Variants in RNF214 observed in about 807,000 individuals in gnomAD.
RNF214 encodes the protein ring finger protein 214.
A neutral mutation model predicts 75.9 loss-of-function variants in RNF214; 25 were observed. The observed-to-expected ratio is 0.33, with a 90% CI of 0.24 to 0.46. The LOEUF is 0.46. RNF214 is among the 20% of genes least tolerant of loss of function. The pLI is 1.00. For synonymous variants in RNF214, 314 were observed against 308.8 expected (o/e 1.02, Z -0.18); for missense variants, 725 against 857.5 (o/e 0.85, Z 1.93).
intron 6 of RNF214, among the ~76,000 whole-genome samples, chr11:117,263,224 A>C (rs527409762): frequency 1.3e-5 from 2 of 152,002 alleles, no homozygotes; most frequent in Admixed American, 1.3e-4. Flanking sequence ...TGGTTTCCCT[A>C]AGTTCTTTAG....
intron 6 of RNF214, among the ~76,000 whole-genome samples, chr11:117,250,355 C>G (rs1388666761): frequency 6.6e-6 from 1 of 152,050 alleles, no homozygotes; most frequent in East Asian, 1.9e-4. Context: ...TTAAGTAATA[C>G]TGTGTCAGTG....
Position 117,239,094 on chromosome 11 carries a change from C to A in RNF214, c.601C>A (p.Gln201Lys). 1 of 1,612,232 alleles carries A rather than the reference C, an allele frequency of 6.2e-7. No homozygotes were observed. Among genetic ancestry groups the A allele is most frequent in the South Asian group, 1.1e-5 (1 of 90,908 alleles). ...DQDSSSLKLS[Q>K]NIAVQTDFKT... The stretch of plus-strand genomic sequence containing the variant: ...AGATAGCTCTTCCCTGAAGCTTTCT[C>A]AGAACATTGCTGTACAGGTCAAGTG... Residue 201 changes from glutamine (Q) to lysine (K), a missense_variant, in exon 3 of 15, where the codon CAG becomes AAG. Gln to Lys is a moderately conservative substitution (Grantham distance 53). Coordinates refer to ENST00000300650, the MANE Select transcript of RNF214 (RefSeq NM_207343.4).
At chr11:117,281,426 CATT>C (rs2034125272) in intron 9 of RNF214, 22 bp downstream of exon 9, 4 of 1,571,060 alleles carry the variant, frequency 2.5e-6, no homozygotes, top group African/African-American at 1.4e-5. Context: ...TATGAGTCAT[CATT>C]CAGTCAGTGT....
At chr11:117,257,005 C>T (rs557305628) in intron 6 of RNF214, among the ~76,000 whole-genome samples, 4 of 152,210 alleles carry the variant, frequency 2.6e-5, no homozygotes, top group African/African-American at 9.6e-5. Context: ...GGGACATCAG[C>T]CAGTACACTC....
chr11:117,237,755 G>A (rs1268354427), intron 2 of RNF214, among the ~76,000 whole-genome samples: 3 of 152,164 alleles, frequency 2.0e-5, no homozygotes, highest in Non-Finnish European at 2.9e-5. Flanking sequence ...TATACTTACT[G>A]TGTGGGATAA....
intron 6 of RNF214, among the ~76,000 whole-genome samples, chr11:117,256,208 A>G (rs1251282516): frequency 6.6e-6 from 1 of 152,202 alleles, no homozygotes; most frequent in African/African-American, 2.4e-5. Flanking sequence ...GTATACTGCT[A>G]TCATAACACT....
In RNF214 at chr11:117,282,849, A is replaced by G. The variant is rs549269094; in HGVS notation, c.1949A>G (p.His650Arg). ...GTTTCATATCCTGGAAGGTCTTCAC[A>G]TGTAAGACTCTTTTTCTTTGAACAC... The part of the protein sequence containing the change: ...AQVSYPGRSS[H>R]APATCKLCLM... The change falls in exon 13 of 15, where the codon CAT becomes CGT. Residue 650 changes from histidine (H) to arginine (R), a missense_variant and splice_region_variant. This residue lies in a region of RNF214 where 363 missense variants were observed against 513.0 expected (regional missense o/e 0.71). Transcript: ENST00000300650. 5.6e-6 allele frequency: 9 copies of G among 1,606,036 alleles called. No individual in the cohort carries two copies. Among genetic ancestry groups the G allele is most frequent in the South Asian group, 1.1e-5 (1 of 90,902 alleles).
Position 117,239,856 on chromosome 11 carries a change from A to T in RNF214, c.674A>T (p.Asn225Ile). 1 of 1,522,306 alleles carries T rather than the reference A, an allele frequency of 6.6e-7. No individual in the cohort carries two copies. The highest frequency in any genetic ancestry group is 9.1e-7 in the Non-Finnish European group (1 of 1,096,766). 94.3% of individuals were successfully genotyped at this position (1,522,306 alleles called of 1,614,324 possible). A position where few individuals can be genotyped will look rare whatever the true frequency, so the allele number is the denominator to read the frequency against. ...AACACAGATCAAGATATTGAAAAGA[A>T]TTTGGTAAGTATTTAAACTGTCCTT... Reference protein sequence around the residue: ...EVNTDQDIEKNLDKMMTERTL... With the variant: ...EVNTDQDIEKILDKMMTERTL... The change falls in exon 4 of 15, where the codon AAT (asparagine) becomes ATT (isoleucine). Residue 225 changes from asparagine to isoleucine, a missense_variant. Asn to Ile is a moderately radical substitution (Grantham distance 149, BLOSUM62 -3). Transcript: ENST00000300650.
Position 117,261,756 on chromosome 11 carries a change from C to T in RNF214, c.959+14808C>T, listed in dbSNP as rs1255522802. Among the ~76,000 whole-genome samples, 5 of 151,954 alleles carry T rather than the reference C, an allele frequency of 3.3e-5. No individual in the cohort carries two copies. In the South Asian group the frequency reaches 8.3e-4, roughly 25 times the overall value. ...CGCCTCCTGGGTTCAAGCAATTTTCCTGCCTCAGACTCCCGAGTAGCTGGG... is the reference window on the plus strand; with the variant it reads ...CGCCTCCTGGGTTCAAGCAATTTTCTTGCCTCAGACTCCCGAGTAGCTGGG... On this transcript the variant is annotated intron_variant, in intron 6 of 14. Coordinates refer to ENST00000300650, the MANE Select transcript of RNF214 (RefSeq NM_207343.4).
At position 117,285,970 on chromosome 11, in the gene RNF214, G is replaced by C. The variant is rs753444396; in HGVS notation, c.*819G>C. ...AGCTCTGACAGGCCAACATTGTGAAGTCCTCACCCTTTCCCATTCACTTCT... is the reference window on the plus strand; with the variant it reads ...AGCTCTGACAGGCCAACATTGTGAACTCCTCACCCTTTCCCATTCACTTCT... On this transcript the variant is annotated 3_prime_UTR_variant, in exon 15 of 15. Coordinates refer to ENST00000300650, the MANE Select transcript of RNF214 (RefSeq NM_207343.4). 1.3e-5 allele frequency: 2 copies of C among 152,582 alleles called. No individual in the cohort carries two copies. The highest frequency in any genetic ancestry group is 2.9e-5 in the Non-Finnish European group (2 of 68,050). 9.5% of individuals were successfully genotyped at this position (152,582 alleles called of 1,614,324 possible). A position where few individuals can be genotyped will look rare whatever the true frequency, so the allele number is the denominator to read the frequency against.
chr11:117,278,787 A>G (rs935957491), intron 6 of RNF214, among the ~76,000 whole-genome samples: 1 of 152,198 alleles, frequency 6.6e-6, no homozygotes, highest in Non-Finnish European at 1.5e-5. Flanking sequence ...GATTTGCTGC[A>G]TTAAGGATGA....
chr11:117,237,687 A>G (rs1263551838), intron 2 of RNF214, among the ~76,000 whole-genome samples: 1 of 152,116 alleles, frequency 6.6e-6, no homozygotes, highest in African/African-American at 2.4e-5. Context: ...ATAAAAAATA[A>G]AAGCAATACC....
chr11:117,261,102 T>C (rs1257496726), intron 6 of RNF214, among the ~76,000 whole-genome samples: 2 of 152,176 alleles, frequency 1.3e-5, no homozygotes, highest in Non-Finnish European at 2.9e-5. Context: ...AAAGTAGATA[T>C]CTTTGCCTTG....
chr11:117,248,372 A>G (rs1201133170), intron 6 of RNF214, among the ~76,000 whole-genome samples: 1 of 152,184 alleles, frequency 6.6e-6, no homozygotes, highest in Non-Finnish European at 1.5e-5. Flanking sequence ...CACCGCGCCC[A>G]GCCAATTTTC....
chr11:117,260,968 A>G (rs537539012), intron 6 of RNF214, among the ~76,000 whole-genome samples: 2 of 151,052 alleles, frequency 1.3e-5, no homozygotes, highest in East Asian at 2.0e-4. Context: ...TTTTCTACAT[A>G]AACAGTCATG....
intron 6 of RNF214, among the ~76,000 whole-genome samples, chr11:117,270,358 G>A (rs539890858): frequency 1.1e-3 from 168 of 148,662 alleles, no homozygotes; most frequent in Non-Finnish European, 1.9e-3. Flanking sequence ...CCTGGGCTGC[G>A]ATGATCCTTC....
At chr11:117,235,164 T>C (rs1338829249) in intron 2 of RNF214, among the ~76,000 whole-genome samples, 3 of 152,188 alleles carry the variant, frequency 2.0e-5, no homozygotes, top group Non-Finnish European at 4.4e-5. Context: ...TCCAATTTTT[T>C]TCTGAAAATT....
intron 6 of RNF214, among the ~76,000 whole-genome samples, chr11:117,274,414 G>C (rs2033971049): frequency 7.0e-6 from 1 of 143,108 alleles, no homozygotes; most frequent in South Asian, 2.3e-4. Flanking sequence ...CCAGGCTGGA[G>C]TGCAATGGCA....
intron 6 of RNF214, among the ~76,000 whole-genome samples, chr11:117,268,456 G>A (rs925038930): frequency 3.3e-5 from 5 of 152,074 alleles, no homozygotes; most frequent in African/African-American, 1.2e-4. Flanking sequence ...GATTGGGGTC[G>A]GGGGGAGTCT....
Sources: allele counts gnomAD v4.1 joint callset (sites outside exome capture counted in the v4.1 genomes callset), GRCh38; gene constraint gnomAD v4.1.1; regional missense constraint gnomAD v4.1.1; transcripts MANE v1.5; gene names NCBI Gene and HGNC (gene_info 2026-07-23, HGNC 2026-07-21).